MAP4K4: variants seen among roughly 807,000 people sequenced by gnomAD.
MAP4K4 encodes HPK/GCK-like kinase HGK.
MAP4K4 carries 38 observed loss-of-function variants against 189.6 expected under a neutral mutation model. The observed-to-expected ratio is 0.20, with a 90% CI of 0.15 to 0.26. The LOEUF (loss-of-function observed/expected upper bound fraction) is 0.26, where lower values mean the gene tolerates loss of function less well. Among genes scored for constraint, MAP4K4 ranks in the 10% least tolerant of loss-of-function variants. The pLI is 1.00. For missense variants in MAP4K4, 1,054 were observed against 1,726.9 expected, an observed-to-expected ratio of 0.61 and a Z score of 6.91; for synonymous variants, 610 against 624.3, an observed-to-expected ratio of 0.98 and a Z score of 0.34.
chr2:101,713,990 T>G (rs1377488511), intron 2 of MAP4K4, among the ~76,000 whole-genome samples: 1 of 152,186 alleles, frequency 6.6e-6, no homozygotes, highest in Non-Finnish European at 1.5e-5. Context: ...GAACCTCATA[T>G]GGCCTTATGA....
intron 10 of MAP4K4, among the ~76,000 whole-genome samples, chr2:101,840,872 A>T (rs566450435): frequency 1.3e-5 from 2 of 152,336 alleles, no homozygotes; most frequent in East Asian, 3.9e-4. Flanking sequence ...TGATGTTCAG[A>T]ATAACCTTTT....
chr2:101,875,569 G>A (rs2098177155), intron 26 of MAP4K4, among the ~76,000 whole-genome samples: 1 of 152,134 alleles, frequency 6.6e-6, no homozygotes, highest in South Asian at 2.1e-4. Context: ...TAGGGTGTGG[G>A]TGGGTGTGGG....
At chr2:101,745,274 A>G (rs2064716702) in intron 2 of MAP4K4, among the ~76,000 whole-genome samples, 1 of 150,328 alleles carries the variant, frequency 6.7e-6, no homozygotes, top group Non-Finnish European at 1.5e-5. Context: ...CTTCTGTAAA[A>G]TTTCATATTA....
intron 8 of MAP4K4, among the ~76,000 whole-genome samples, chr2:101,835,663 A>G (rs2096729070): frequency 6.6e-6 from 1 of 152,192 alleles, no homozygotes; most frequent in Admixed American, 6.5e-5. Flanking sequence ...AAAACTTTCC[A>G]ATGTCTTTTT....
intron 3 of MAP4K4, among the ~76,000 whole-genome samples, chr2:101,821,790 T>G (rs2096072052): frequency 6.6e-6 from 1 of 152,256 alleles, no homozygotes; most frequent in Non-Finnish European, 1.5e-5. Flanking sequence ...TAACTCTTAC[T>G]TTATAAAACT....
At chr2:101,823,971 A>T in exon 4 of MAP4K4, 1 of 1,609,352 alleles carries the variant, frequency 6.2e-7, no homozygotes, top group Non-Finnish European at 8.5e-7. Flanking sequence ...ATGCTAAAGA[A>T]ATACTCTCAT....
chr2:101,862,499 T>C (rs952598381), intron 16 of MAP4K4, among the ~76,000 whole-genome samples: 1 of 152,166 alleles, frequency 6.6e-6, no homozygotes, highest in Non-Finnish European at 1.5e-5. Flanking sequence ...TTTGCACTGC[T>C]TGAAGATTAA....
chr2:101,876,031 A>T (rs2098193607), intron 26 of MAP4K4, among the ~76,000 whole-genome samples: 1 of 152,224 alleles, frequency 6.6e-6, no homozygotes, highest in Non-Finnish European at 1.5e-5. Flanking sequence ...AAGGCTGAAC[A>T]ATTGTGAGAG....
chr2:101,847,933 CTGTACTTTTTT>C (rs1448688264), intron 12 of MAP4K4, among the ~76,000 whole-genome samples: 1 of 152,224 alleles, frequency 6.6e-6, no homozygotes, highest in Non-Finnish European at 1.5e-5. Context: ...CATGTTTTTA[CTGTACTTTTTT>C]TGTGTTTAGA....
In MAP4K4 at chr2:101,855,961, A is replaced by G; in HGVS notation, c.1234-16A>G. 1.3e-6 allele frequency: 2 copies of G among 1,541,924 alleles called. No individual in the cohort carries two copies. Among genetic ancestry groups the G allele is most frequent in the African/African-American group, 1.4e-5 (1 of 71,970 alleles). ...GCGGGAAGATCCCTGGTAATTATACATTTTTACTTACGTAGCAACAAAGGA... is the reference window on the plus strand; with the variant it reads ...GCGGGAAGATCCCTGGTAATTATACGTTTTTACTTACGTAGCAACAAAGGA... On this transcript the variant is annotated splice_polypyrimidine_tract_variant and intron_variant, in intron 12 of 32. Transcript: ENST00000324219.
intron 2 of MAP4K4, among the ~76,000 whole-genome samples, chr2:101,751,010 G>A (rs1466046298): frequency 1.3e-5 from 2 of 152,098 alleles, no homozygotes; most frequent in African/African-American, 4.8e-5. Context: ...TCCACAGCCT[G>A]GGCACAACAC....
At chr2:101,701,147 T>A (rs2038421808) in intron 2 of MAP4K4, among the ~76,000 whole-genome samples, 1 of 152,248 alleles carries the variant, frequency 6.6e-6, no homozygotes, top group Non-Finnish European at 1.5e-5. Flanking sequence ...GAACAACTTG[T>A]CCTAATTTAT....
intron 2 of MAP4K4, among the ~76,000 whole-genome samples, chr2:101,765,410 GC>G (rs1295601416): frequency 6.6e-6 from 1 of 152,168 alleles, no homozygotes; most frequent in African/African-American, 2.4e-5. Flanking sequence ...GCTCTCTGCA[GC>G]CACCATCTCC....
exon 23 of MAP4K4, chr2:101,870,391 G>C: frequency 1.2e-6 from 2 of 1,613,752 alleles, no homozygotes; most frequent in Non-Finnish European, 1.7e-6. Context: ...CCCCATCCAA[G>C]GAGGGCACTC....
intron 1 of MAP4K4, 53 bp downstream of exon 1, chr2:101,698,190 G>GCCGGCAGCCGGCCA (rs2035508409): frequency 4.5e-6 from 4 of 896,658 alleles, no homozygotes; most frequent in Non-Finnish European, 5.5e-6. Context: ...GCAGCCGGCA[G>GCCGGCAGCCGGCCA]CCGGGGCCGC....
chr2:101,730,031 C>A (rs1199506742), intron 2 of MAP4K4, among the ~76,000 whole-genome samples: 9 of 152,212 alleles, frequency 5.9e-5, no homozygotes, highest in Non-Finnish European at 1.3e-4. Context: ...GACGGAACAT[C>A]TTCCGTGGCA....
At chr2:101,804,834 C>T (rs927543786) in intron 3 of MAP4K4, among the ~76,000 whole-genome samples, 1 of 152,032 alleles carries the variant, frequency 6.6e-6, no homozygotes, top group Non-Finnish European at 1.5e-5. Flanking sequence ...GTAATCCCAG[C>T]ACCTTGGGAA....
chr2:101,887,696 C>A, intron 30 of MAP4K4, 82 bp from the exon 31 acceptor site: 1 of 1,025,786 alleles, frequency 9.7e-7, no homozygotes, highest in Non-Finnish European at 1.4e-6. Context: ...CCAGTGCATT[C>A]ACTAAGAGTC....
intron 19 of MAP4K4, 104 bp from the exon 20 acceptor site, chr2:101,867,108 A>G: frequency 3.0e-6 from 2 of 661,778 alleles, no homozygotes; most frequent in Non-Finnish European, 5.3e-6. Flanking sequence ...AGAGCCTACC[A>G]TGAGTGGGCA....
Sources: allele counts gnomAD v4.1 joint callset (sites outside exome capture counted in the v4.1 genomes callset), GRCh38; gene constraint gnomAD v4.1.1; transcripts MANE v1.5; gene names NCBI Gene and HGNC (gene_info 2026-07-23, HGNC 2026-07-21).